The following RHOH variants were observed in gnomAD, a reference collection of about 807,000 sequenced individuals.
RHOH encodes rho-related GTP-binding protein RhoH.
Under a neutral mutation model 13.8 loss-of-function variants are expected in RHOH, and 6 were observed. The ratio of observed to expected loss-of-function variants is 0.44; its 90% CI spans 0.24 to 0.86. The LOEUF is 0.86. Among genes scored for constraint, RHOH ranks in the 40% least tolerant of loss-of-function variants. The pLI is 0.24. For synonymous variants in RHOH, 117 were observed against 103.0 expected, an observed-to-expected ratio of 1.14 and a Z score of -0.82; for missense variants, 147 against 244.5, an observed-to-expected ratio of 0.60 and a Z score of 2.66.
intron 1 of RHOH, among the ~76,000 whole-genome samples, chr4:40,207,593 G>C (rs1724792628): frequency 6.6e-6 from 1 of 152,202 alleles, no homozygotes; most frequent in African/African-American, 2.4e-5. Flanking sequence ...CACCAGGAAA[G>C]ACCCATCACA....
In RHOH at chr4:40,243,807, C is replaced by G; in HGVS notation, c.421C>G (p.Gln141Glu). 2 of 1,614,132 alleles carry G rather than the reference C, an allele frequency of 1.2e-6. No homozygotes were observed. Among genetic ancestry groups the G allele is most frequent in the Non-Finnish European group, 1.7e-6 (2 of 1,180,034 alleles). Residue 141 changes from glutamine to glutamate, a missense_variant, in exon 3 of 3, where the codon CAG becomes GAG. Transcript: ENST00000381799. The surrounding 1 kb of genome is among the most constrained non-coding windows in gnomAD (Gnocchi z 6.2). ...TGCCATGGAAGGGAAGAAACTGGCC[C>G]AGGATGTCAGAGCCAAGGGCTACCT... is the stretch of plus-strand genomic sequence containing the variant. ...VNAMEGKKLA[Q>E]DVRAKGYLEC... is the part of the protein sequence containing the mutation.
Position 40,243,544 on chromosome 4 carries a change from G to A in RHOH, c.158G>A (p.Ser53Asn). 1 of 1,614,102 alleles carries A rather than the reference G, an allele frequency of 6.2e-7. No individual in the cohort carries two copies. Among genetic ancestry groups the A allele is most frequent in the Non-Finnish European group, 8.5e-7 (1 of 1,180,016 alleles). ...VDVFMDGIQISLGLWDTAGND... is the reference protein window; with the variant it reads ...VDVFMDGIQINLGLWDTAGND... ...GTCTTCATGGATGGCATCCAGATCAGCCTGGGCCTCTGGGACACAGCCGGC... is the reference window on the plus strand; with the variant it reads ...GTCTTCATGGATGGCATCCAGATCAACCTGGGCCTCTGGGACACAGCCGGC... Residue 53 changes from serine to asparagine, a missense_variant, in exon 3 of 3, where the codon AGC becomes AAC. Ser to Asn is a conservative substitution (Grantham distance 46, BLOSUM62 1). Transcript: ENST00000381799. The surrounding 1 kb of genome is among the most constrained non-coding windows in gnomAD (Gnocchi z 6.2).
At chr4:40,198,244 G>C (rs1353455437) in intron 1 of RHOH, among the ~76,000 whole-genome samples, 1 of 152,198 alleles carries the variant, frequency 6.6e-6, no homozygotes, top group African/African-American at 2.4e-5. Flanking sequence ...AGTGTCGGTA[G>C]AAGGAGAAGG....
intron 1 of RHOH, among the ~76,000 whole-genome samples, chr4:40,214,786 T>C (rs962915586): frequency 1.3e-5 from 2 of 152,020 alleles, no homozygotes. Flanking sequence ...GGGGAGAGGG[T>C]AAGGCTTAGG....
chr4:40,197,872 G>A (rs528631341), intron 1 of RHOH, among the ~76,000 whole-genome samples: 12 of 152,188 alleles, frequency 7.9e-5, no homozygotes, highest in Admixed American at 3.3e-4. Context: ...GATATGCTAC[G>A]AGGTACCAGT....
chr4:40,195,336 T>G (rs1279781819), upstream of RHOH, among the ~76,000 whole-genome samples: 1 of 149,972 alleles, frequency 6.7e-6, no homozygotes, highest in Non-Finnish European at 1.5e-5. Context: ...GGATTTTCCC[T>G]TTCTTTCCTT....
rs376440062 is a variant in RHOH, at chr4:40,199,902, A to G, written c.-331+2602A>G. On this transcript the variant is annotated intron_variant, in intron 1 of 2. Transcript: ENST00000381799. ...TTTTTGGATTAAAAGCCTCCTTTAA[A>G]AAAATGCAAATCCACCTGGCATGTT... Among the ~76,000 whole-genome samples, 179 of 152,322 alleles carry G rather than the reference A, an allele frequency of 1.2e-3. 1 individual carries two copies. Among genetic ancestry groups the G allele is most frequent in the African/African-American group, 4.2e-3 (175 of 41,578 alleles).
At chr4:40,197,983 T>C (rs1475746965) in intron 1 of RHOH, among the ~76,000 whole-genome samples, 2 of 152,208 alleles carry the variant, frequency 1.3e-5, no homozygotes, top group Non-Finnish European at 2.9e-5. Flanking sequence ...AGGCAACAAG[T>C]AGTTGGTGTC....
At chr4:40,204,247 C>T (rs935332740) in intron 1 of RHOH, among the ~76,000 whole-genome samples, 1 of 152,194 alleles carries the variant, frequency 6.6e-6, no homozygotes, top group Non-Finnish European at 1.5e-5. Flanking sequence ...TCACATTCCC[C>T]ATCGTCAGGG....
In RHOH at chr4:40,243,924, A is replaced by T. The variant is rs747353195; in HGVS notation, c.538A>T (p.Arg180Trp). Residue 180 changes from arginine (R) to tryptophan (W), a missense_variant, in exon 3 of 3, where the codon AGG (arginine) becomes TGG (tryptophan). Around this residue, in one of 3 missense-constraint regions of RHOH, gnomAD observed 31 missense variants for 61.8 expected, o/e 0.50. Transcript: ENST00000381799. This position sits in a 1 kb window ranked among gnomAD's most constrained non-coding sequence, Gnocchi z 6.2. ...AVNQARRRNR[R>W]RLFSINECKI... The stretch of plus-strand genomic sequence containing the variant: ...CAACCAGGCCAGGAGACGAAACAGA[A>T]GGAGGCTCTTCTCCATCAATGAGTG... 32 of 1,613,952 alleles carry T rather than the reference A, an allele frequency of 2.0e-5. No individual in the cohort carries two copies. Among genetic ancestry groups the T allele is most frequent in the Non-Finnish European group, 2.5e-5 (29 of 1,179,962 alleles).
intron 1 of RHOH, among the ~76,000 whole-genome samples, chr4:40,238,103 G>C (rs1429759084): frequency 6.6e-6 from 1 of 152,106 alleles, no homozygotes; most frequent in Non-Finnish European, 1.5e-5. Context: ...CAACTGAGAA[G>C]ACGAGCCATT....
intron 1 of RHOH, among the ~76,000 whole-genome samples, chr4:40,237,792 T>C (rs1335376828): frequency 6.6e-6 from 1 of 152,178 alleles, no homozygotes; most frequent in Non-Finnish European, 1.5e-5. Flanking sequence ...ACTCATATTT[T>C]TAAAAAAAGA....
intron 1 of RHOH, among the ~76,000 whole-genome samples, chr4:40,241,556 G>A (rs1021054007): frequency 6.6e-6 from 1 of 152,168 alleles, no homozygotes; most frequent in Non-Finnish European, 1.5e-5. Flanking sequence ...AAGCTATTAG[G>A]TATAATTAAA....
chr4:40,212,854 G>C (rs562573587), intron 1 of RHOH: 2 of 152,350 alleles, frequency 1.3e-5, no homozygotes, highest in East Asian at 3.9e-4. Context: ...GAAACCCCCA[G>C]GGTCAGACTT....
chr4:40,238,665 C>A (rs1728875470), intron 1 of RHOH, among the ~76,000 whole-genome samples: 3 of 152,184 alleles, frequency 2.0e-5, no homozygotes, highest in African/African-American at 4.8e-5. Flanking sequence ...ATTATGGAGA[C>A]CCCGGAGGCT....
intron 1 of RHOH, among the ~76,000 whole-genome samples, chr4:40,226,482 C>T (rs1216855971): frequency 8.0e-5 from 12 of 149,214 alleles, no homozygotes; most frequent in Non-Finnish European, 1.2e-4. Flanking sequence ...GCCGAGATCA[C>T]GCCATTGCAC....
chr4:40,204,163 T>A (rs1724364078), intron 1 of RHOH, among the ~76,000 whole-genome samples: 1 of 152,202 alleles, frequency 6.6e-6, no homozygotes, highest in African/African-American at 2.4e-5. Flanking sequence ...GGAAGTTTAG[T>A]GATTGTAATA....
chr4:40,204,591 T>C (rs1320003961), intron 1 of RHOH, among the ~76,000 whole-genome samples: 7 of 152,146 alleles, frequency 4.6e-5, no homozygotes, highest in Non-Finnish European at 1.0e-4. Flanking sequence ...CTAAAACCCA[T>C]TCATGGACTC....
chr4:40,224,322 T>A (rs1726971321), intron 1 of RHOH, among the ~76,000 whole-genome samples: 1 of 152,246 alleles, frequency 6.6e-6, no homozygotes, highest in Admixed American at 6.5e-5. Context: ...TCTTTCCAGT[T>A]CTTTTTTTGC....
Sources: allele counts gnomAD v4.1 joint callset (sites outside exome capture counted in the v4.1 genomes callset), GRCh38; gene constraint gnomAD v4.1.1; regional missense constraint gnomAD v4.1.1; non-coding constraint Gnocchi (gnomAD v3.1); transcripts MANE v1.5; gene names NCBI Gene and HGNC (gene_info 2026-07-23, HGNC 2026-07-21).